FRAS1: variants seen among roughly 807,000 people sequenced by gnomAD.
The protein encoded by FRAS1 is Fraser extracellular matrix complex subunit 1, also known as extracellular matrix organizing protein FRAS1.
A neutral mutation model predicts 435.2 loss-of-function variants in FRAS1; 290 were observed. The observed-to-expected ratio is 0.67, with a 90% CI of 0.61 to 0.73. The LOEUF is 0.73. FRAS1 is among the 30% of genes least tolerant of loss of function. FRAS1 has a pLI of 0.00. For missense variants in FRAS1, 4,860 were observed against 5,001.5 expected, an observed-to-expected ratio of 0.97 and a Z score of 0.85; for synonymous variants, 1,800 against 1,851.0, an observed-to-expected ratio of 0.97 and a Z score of 0.71.
At chr4:78,356,520 C>T (rs1291024063) in intron 20 of FRAS1, among the ~76,000 whole-genome samples, 3 of 152,184 alleles carry the variant, frequency 2.0e-5, no homozygotes, top group Non-Finnish European at 2.9e-5. Context: ...TCAAGGATCT[C>T]CATTCCTGGT....
intron 53 of FRAS1, 75 bp downstream of exon 53, chr4:78,473,672 G>A: frequency 1.7e-6 from 2 of 1,209,588 alleles, no homozygotes; most frequent in Middle Eastern, 4.2e-4. Flanking sequence ...AAGGATGCTG[G>A]GGGGCAGCTC....
chr4:78,181,243 C>T (rs1030338267), intron 2 of FRAS1: 4 of 1,609,742 alleles, frequency 2.5e-6, no homozygotes, highest in African/African-American at 1.3e-5. Context: ...CTTTTGGACC[C>T]TCCTCTTTTA....
rs562431316 is a variant in FRAS1, at chr4:78,181,039, T to C, written c.109-56471T>C. On this transcript the variant is annotated intron_variant, in intron 2 of 73. Coordinates refer to ENST00000512123, the MANE Select transcript of FRAS1 (RefSeq NM_025074.7). ...CCAAAATTGATCTCCAGCTGAGACG[T>C]TATATCATTTGCTGGCTTCTGGAAA... 6 of 1,582,388 alleles carry C rather than the reference T, an allele frequency of 3.8e-6. No individual in the cohort carries two copies. The South Asian group carries it at 6.6e-5, about 18-fold the overall frequency.
chr4:78,280,374 G>C (rs1384364995), intron 10 of FRAS1, among the ~76,000 whole-genome samples: 1 of 152,172 alleles, frequency 6.6e-6, no homozygotes, highest in Non-Finnish European at 1.5e-5. Context: ...TCCAGGTCCT[G>C]GGCAAGATGG....
chr4:78,299,383 C>T (rs1728284764), intron 14 of FRAS1, among the ~76,000 whole-genome samples: 1 of 152,144 alleles, frequency 6.6e-6, no homozygotes, highest in South Asian at 2.1e-4. Flanking sequence ...AGGAGGGGGA[C>T]CCCAGACCTT....
At chr4:78,058,702 C>A (rs1291566775) in intron 1 of FRAS1, among the ~76,000 whole-genome samples, 1 of 152,170 alleles carries the variant, frequency 6.6e-6, no homozygotes, top group South Asian at 2.1e-4. Flanking sequence ...AGTTTAGGTT[C>A]ATTCTTTTAC....
intron 2 of FRAS1, among the ~76,000 whole-genome samples, chr4:78,103,414 T>C (rs1475284047): frequency 6.6e-6 from 1 of 152,136 alleles, no homozygotes; most frequent in African/African-American, 2.4e-5. Context: ...CTGTTCCTCA[T>C]AGTTTTCTTC....
At chr4:78,516,507 C>T (rs1721220891) in intron 66 of FRAS1, among the ~76,000 whole-genome samples, 2 of 152,112 alleles carry the variant, frequency 1.3e-5, no homozygotes, top group South Asian at 2.1e-4. Flanking sequence ...ACTGCCAGCC[C>T]CCACAAAAAT....
intron 15 of FRAS1, among the ~76,000 whole-genome samples, chr4:78,312,185 T>TATATATATATATATATATAC (rs1196377143): frequency 8.8e-5 from 13 of 147,814 alleles, no homozygotes; most frequent in African/African-American, 3.2e-4. Context: ...AGTCCATATA[T>TATATATATATATATATATAC]ATATATATAT....
Position 78,452,257 on chromosome 4 carries a change from G to A in FRAS1, c.6666G>A (p.Gln2222=). ...ENSVKKITTL[Q]LSATDQDSGP... ...CAGTGAAGAAAATCACCACCCTGCAGCTGTCTGCCACTGACCAGGACAGTG... is the reference window on the plus strand; with the variant it reads ...CAGTGAAGAAAATCACCACCCTGCAACTGTCTGCCACTGACCAGGACAGTG... The change falls in exon 47 of 74, where the codon CAG becomes CAA. Residue 2222 remains glutamine, a synonymous_variant. Transcript: ENST00000512123. 1 of 1,613,812 alleles carries A rather than the reference G, an allele frequency of 6.2e-7. No individual in the cohort carries two copies. Among genetic ancestry groups the A allele is most frequent in the East Asian group, 2.2e-5 (1 of 44,876 alleles).
chr4:78,478,282 T>C lies in FRAS1; in HGVS notation c.8098+221T>C, dbSNP rs1038641499. On this transcript the variant is annotated intron_variant, in intron 55 of 73. Coordinates refer to ENST00000512123, the MANE Select transcript of FRAS1 (RefSeq NM_025074.7). ...TTAGTTCAAGTTGTTAGAGCTCCCA[T>C]TTACTCTTAAATTGGACTAGAAGAC... 6.6e-5 allele frequency among the ~76,000 whole-genome samples: 10 copies of C among 152,298 alleles called. 1 individual carries two copies. Among genetic ancestry groups the C allele is most frequent in the East Asian group, 3.9e-4 (2 of 5,188 alleles).
intron 2 of FRAS1, among the ~76,000 whole-genome samples, chr4:78,114,266 G>T (rs1046986779): frequency 7.9e-5 from 12 of 152,164 alleles, no homozygotes; most frequent in African/African-American, 2.9e-4. Flanking sequence ...GTAGCGTGAT[G>T]CCTCCAGCTT....
Position 78,400,594 on chromosome 4 carries a change from T to C in FRAS1, c.3976-140T>C, listed in dbSNP as rs760906346. Reference sequence around the variant, plus strand: ...ATGTCTACACATAATACAAAGTCTATAGAGTGACTCTGAAGCTGTGAATCT... The same window carrying C: ...ATGTCTACACATAATACAAAGTCTACAGAGTGACTCTGAAGCTGTGAATCT... On this transcript the variant is annotated intron_variant, in intron 29 of 73. Transcript: ENST00000512123. The C allele has an allele frequency of 1.4e-5, 10 of 720,884 alleles. No individual in the cohort carries two copies. In the Admixed American group the frequency reaches 1.8e-4, roughly 13 times the overall value. The allele number at this position is 720,884 out of a possible 1,614,324, so 44.7% of individuals were successfully genotyped here.
At chr4:78,422,091 A>C in intron 34 of FRAS1, 91 bp downstream of exon 34, 3 of 1,306,910 alleles carry the variant, frequency 2.3e-6, no homozygotes, top group Non-Finnish European at 3.0e-6. Flanking sequence ...AGTCCTCTGG[A>C]CCATTTGGTG....
intron 42 of FRAS1, 86 bp from the exon 43 acceptor site, chr4:78,446,641 G>A (rs1578329808): frequency 9.4e-6 from 14 of 1,494,368 alleles, no homozygotes; most frequent in Admixed American, 2.8e-5. Flanking sequence ...GAACATTTCT[G>A]TAGCAATGAT....
At chr4:78,340,213 G>A (rs1730343751) in intron 20 of FRAS1, among the ~76,000 whole-genome samples, 1 of 152,170 alleles carries the variant, frequency 6.6e-6, no homozygotes, top group Non-Finnish European at 1.5e-5. Context: ...CCCTAGAAGA[G>A]AAGGTCCTAC....
At chr4:78,188,524 A>C (rs1423292742) in intron 2 of FRAS1, among the ~76,000 whole-genome samples, 2 of 152,186 alleles carry the variant, frequency 1.3e-5, no homozygotes, top group African/African-American at 4.8e-5. Context: ...CTCTACTTAT[A>C]AGGCCTTTCA....
At chr4:78,432,936 GA>G (rs58584207) in intron 38 of FRAS1, among the ~76,000 whole-genome samples, 1 of 152,024 alleles carries the variant, frequency 6.6e-6, no homozygotes. Context: ...GGAAGTTTAG[GA>G]AAAAAACATT....
At chr4:78,227,989 C>G (rs1426782207) in intron 2 of FRAS1, among the ~76,000 whole-genome samples, 1 of 152,028 alleles carries the variant, frequency 6.6e-6, no homozygotes, top group Non-Finnish European at 1.5e-5. Flanking sequence ...TACAAGAATA[C>G]AAGGCTACCT....
Sources: gnomAD v4.1 joint callset for allele counts (sites outside exome capture counted in the v4.1 genomes callset) on GRCh38, gnomAD v4.1.1 for gene constraint, MANE v1.5 for transcripts, NCBI Gene and HGNC (gene_info 2026-07-23, HGNC 2026-07-21) for gene names.